EPC2: variants seen among roughly 807,000 people sequenced by gnomAD.
The protein encoded by EPC2 is enhancer of polycomb 2.
A neutral mutation model predicts 92.1 loss-of-function variants in EPC2; 14 were observed. That is an observed-to-expected ratio of 0.15 (90% CI 0.10 to 0.24). The LOEUF is 0.24. Among genes scored for constraint, EPC2 ranks in the 10% least tolerant of loss-of-function variants. EPC2 has a pLI of 1.00. For missense variants in EPC2, 755 were observed against 971.5 expected (o/e 0.78, Z 2.96); for synonymous variants, 340 against 334.7 (o/e 1.02, Z -0.17).
chr2:148,783,113 G>C (rs1683787337), intron 11 of EPC2, among the ~76,000 whole-genome samples: 1 of 152,180 alleles, frequency 6.6e-6, no homozygotes, highest in African/African-American at 2.4e-5. Flanking sequence ...CTAGGACTTA[G>C]TAACCAGTTT....
In EPC2 at chr2:148,762,780, A is replaced by G. The variant is rs182605517; in HGVS notation, c.926A>G (p.Lys309Arg). 292 of 1,607,814 alleles carry G rather than the reference A, an allele frequency of 1.8e-4. 2 individuals carry two copies. In the East Asian group the frequency reaches 6.1e-3, roughly 34 times the overall value. ...PATLHNGNHH[K>R]VQECKTKHPH... ...ACTCTTCATAATGGAAATCATCACA[A>G]AGTTCAAGAATGTAAAACTAAGGTG... is the stretch of plus-strand genomic sequence containing the variant. The change falls in exon 6 of 14, where the codon AAA (lysine) becomes AGA (arginine). Residue 309 changes from lysine (K) to arginine (R), a missense_variant. By Grantham distance (26) the Lys-to-Arg change is conservative. This residue lies in a region of EPC2 where 509 missense variants were observed against 607.7 expected (regional missense o/e 0.84). Transcript: ENST00000258484.
At position 148,663,771 on chromosome 2, in the gene EPC2, A is replaced by G. The variant is rs981828581; in HGVS notation, c.153+18601A>G. Among the ~76,000 whole-genome samples, 8 of 152,034 alleles carry G rather than the reference A, an allele frequency of 5.3e-5. No homozygotes were observed. The East Asian group carries it at 1.5e-3, about 29-fold the overall frequency. On this transcript the variant is annotated intron_variant, in intron 1 of 13. Coordinates refer to ENST00000258484, the MANE Select transcript of EPC2 (RefSeq NM_015630.4). ...GAGGGTGGGAGATGATGGTTTTGGT[A>G]TGAAACTGTTCCATCTCAGATAATC...
chr2:148,741,979 G>T (rs534319063), intron 2 of EPC2, among the ~76,000 whole-genome samples: 1 of 152,050 alleles, frequency 6.6e-6, no homozygotes, highest in Non-Finnish European at 1.5e-5. Context: ...ATATTAGTGC[G>T]CTATATATAC....
chr2:148,644,886 A>C lies in EPC2; in HGVS notation c.-132A>C. 1.2e-4 allele frequency: 83 copies of C among 686,822 alleles called. No homozygotes were observed. Among genetic ancestry groups the C allele is most frequent in the East Asian group, 1.0e-4 (3 of 29,746 alleles). The allele number at this position is 686,822 out of a possible 1,614,324, so 42.5% of individuals were successfully genotyped here. A position where few individuals can be genotyped will look rare whatever the true frequency, so the allele number is the denominator to read the frequency against. On this transcript the variant is annotated 5_prime_UTR_variant, in exon 1 of 14. Transcript: ENST00000258484. The stretch of plus-strand genomic sequence containing the variant: ...GGGCGCCCATGCTGTGGCCGGGGGC[A>C]GTGAGGAGGAGGAGGAGCGGGCCGG...
Position 148,756,171 on chromosome 2 carries a change from G to A in EPC2, c.666+2038G>A, listed in dbSNP as rs900341559. Among the ~76,000 whole-genome samples, 7 of 152,072 alleles carry A rather than the reference G, an allele frequency of 4.6e-5. No homozygotes were observed. In the East Asian group the frequency reaches 1.2e-3, roughly 25 times the overall value. ...CTTCATTTTGTGATCACTAATACAG[G>A]TTTTCCTGACACTCTGATTCCTACC... On this transcript the variant is annotated intron_variant, in intron 4 of 13. Transcript: ENST00000258484.
intron 2 of EPC2, among the ~76,000 whole-genome samples, chr2:148,695,117 A>G (rs542978689): frequency 1.7e-4 from 26 of 152,324 alleles, no homozygotes; most frequent in African/African-American, 6.3e-4. Flanking sequence ...ATTTGTATCC[A>G]GTTTTGAACT....
At chr2:148,691,817 C>A in intron 2 of EPC2, 1 of 680,402 alleles carries the variant, frequency 1.5e-6, no homozygotes, top group Non-Finnish European at 2.8e-6. Flanking sequence ...CTTTCCCTTT[C>A]TGCATGGCTA....
intron 1 of EPC2, among the ~76,000 whole-genome samples, chr2:148,674,944 C>A (rs1681233388): frequency 6.6e-6 from 1 of 152,154 alleles, no homozygotes; most frequent in South Asian, 2.1e-4. Context: ...TCTTTTGTTC[C>A]TAGAAGGTTT....
At chr2:148,662,602 G>A (rs1047736434) in intron 1 of EPC2, among the ~76,000 whole-genome samples, 1 of 151,978 alleles carries the variant, frequency 6.6e-6, no homozygotes, top group Non-Finnish European at 1.5e-5. Flanking sequence ...TCACTCATAG[G>A]TGGGAATTGA....
chr2:148,650,713 T>G (rs1178225909), intron 1 of EPC2, among the ~76,000 whole-genome samples: 2 of 152,178 alleles, frequency 1.3e-5, no homozygotes, highest in Non-Finnish European at 2.9e-5. Context: ...GAATTACTAT[T>G]GGCACTAATA....
At chr2:148,684,893 C>T (rs1443520640) in intron 1 of EPC2, among the ~76,000 whole-genome samples, 2 of 152,204 alleles carry the variant, frequency 1.3e-5, no homozygotes, top group African/African-American at 2.4e-5. Flanking sequence ...CTTGCCAACA[C>T]TTGGCATTAT....
chr2:148,738,555 C>T (rs897450547), intron 2 of EPC2, among the ~76,000 whole-genome samples: 8 of 152,114 alleles, frequency 5.3e-5, no homozygotes, highest in Admixed American at 2.0e-4. Flanking sequence ...GCTATATGTG[C>T]AGTTGCATCC....
At chr2:148,647,958 T>G (rs549335953) in intron 1 of EPC2, among the ~76,000 whole-genome samples, 2 of 152,234 alleles carry the variant, frequency 1.3e-5, no homozygotes, top group Non-Finnish European at 2.9e-5. Flanking sequence ...ATTAGCTCTT[T>G]TAGAAAGAAT....
chr2:148,774,865 A>C (rs901135179), intron 10 of EPC2, among the ~76,000 whole-genome samples: 1 of 151,574 alleles, frequency 6.6e-6, no homozygotes, highest in Non-Finnish European at 1.5e-5. Flanking sequence ...AGGCAGGCGG[A>C]TCACGAGGTC....
At chr2:148,707,285 C>T (rs1474582675) in intron 2 of EPC2, among the ~76,000 whole-genome samples, 2 of 152,184 alleles carry the variant, frequency 1.3e-5, no homozygotes, top group East Asian at 3.8e-4. Context: ...ATCAATTCAA[C>T]AAGAAGAGCT....
At chr2:148,733,443 T>C (rs1471063093) in intron 2 of EPC2, among the ~76,000 whole-genome samples, 1 of 150,486 alleles carries the variant, frequency 6.6e-6, no homozygotes, top group African/African-American at 2.4e-5. Flanking sequence ...CCTATTCCTT[T>C]TTATTATTAC....
chr2:148,652,069 A>T (rs1199774327), intron 1 of EPC2, among the ~76,000 whole-genome samples: 1 of 152,140 alleles, frequency 6.6e-6, no homozygotes, highest in Non-Finnish European at 1.5e-5. Flanking sequence ...TCCCATTTAA[A>T]GTTCAAAATT....
chr2:148,670,299 G>A (rs1035762253), intron 1 of EPC2, among the ~76,000 whole-genome samples: 5 of 150,732 alleles, frequency 3.3e-5, no homozygotes, highest in Non-Finnish European at 5.9e-5. Flanking sequence ...TATTTTGCTG[G>A]TTGCATCAGG....
chr2:148,678,678 C>G (rs933235686), intron 1 of EPC2, among the ~76,000 whole-genome samples: 1 of 152,378 alleles, frequency 6.6e-6, no homozygotes, highest in Admixed American at 6.5e-5. Context: ...GCCGGCTGCT[C>G]CGAGTGCAGG....
Sources: allele counts gnomAD v4.1 joint callset (sites outside exome capture counted in the v4.1 genomes callset), GRCh38; gene constraint gnomAD v4.1.1; regional missense constraint gnomAD v4.1.1; transcripts MANE v1.5; gene names NCBI Gene and HGNC (gene_info 2026-07-23, HGNC 2026-07-21).